The following PPP2R3A variants were observed in gnomAD, a reference collection of about 807,000 sequenced individuals.
PPP2R3A encodes protein phosphatase 2 regulatory subunit B''alpha.
Under a neutral mutation model 106.9 loss-of-function variants are expected in PPP2R3A, and 80 were observed. The ratio of observed to expected loss-of-function variants is 0.75; its 90% confidence interval spans 0.62 to 0.90. The LOEUF (loss-of-function observed/expected upper bound fraction) is 0.90, where lower values mean the gene tolerates loss of function less well. PPP2R3A is among the 40% of genes least tolerant of loss of function. The pLI, the probability that PPP2R3A is intolerant of heterozygous loss-of-function variation, is 0.00. For missense variants in PPP2R3A, 1,386 were observed against 1,350.4 expected (o/e 1.03, Z -0.41); for synonymous variants, 483 against 468.3 (o/e 1.03, Z -0.41).
At chr3:135,966,686 A>G (rs929075584) in intron 1 of PPP2R3A, among the ~76,000 whole-genome samples, 13 of 152,076 alleles carry the variant, frequency 8.5e-5, no homozygotes, top group African/African-American at 3.1e-4. Context: ...GGGGAAGACA[A>G]ATTATTGTTT....
intron 1 of PPP2R3A, among the ~76,000 whole-genome samples, chr3:135,986,738 T>C (rs1932932963): frequency 6.6e-6 from 1 of 152,176 alleles, no homozygotes; most frequent in African/African-American, 2.4e-5. Context: ...GTGAAAGAAC[T>C]ACCCTAAGTG....
intron 13 of PPP2R3A, among the ~76,000 whole-genome samples, chr3:136,113,960 T>G (rs1937644251): frequency 6.6e-6 from 1 of 152,122 alleles, no homozygotes; most frequent in Non-Finnish European, 1.5e-5. Flanking sequence ...TTAAAGAGCT[T>G]CTGGAATTGC....
rs772705908 is a variant in PPP2R3A at position 136,026,865 on chromosome 3, C to T, written c.2029C>T (p.Pro677Ser). 3.1e-6 allele frequency: 5 copies of T among 1,612,208 alleles called. No individual in the cohort carries two copies. Among genetic ancestry groups the T allele is most frequent in the Non-Finnish European group, 4.2e-6 (5 of 1,178,882 alleles). Residue 677 changes from proline to serine, a missense_variant, in exon 3 of 14, where the codon CCA becomes TCA. Transcript: ENST00000264977. Reference protein sequence around the residue: ...QNKPEKKPGTPLPPPATSPSS... With the variant: ...QNKPEKKPGTSLPPPATSPSS... ...TAAACCAGAAAAGAAACCTGGAACA[C>T]CACTCCCACCTCCAGCCACCTCTCC...
chr3:136,125,582 C>T (rs1342219520), intron 13 of PPP2R3A, among the ~76,000 whole-genome samples: 2 of 152,134 alleles, frequency 1.3e-5, no homozygotes, highest in Non-Finnish European at 2.9e-5. Context: ...CGTGGTGGCT[C>T]ACGCCTGTAA....
chr3:136,065,475 G>A, intron 5 of PPP2R3A, among the ~76,000 whole-genome samples: 1 of 151,920 alleles, frequency 6.6e-6, no homozygotes, highest in Admixed American at 6.6e-5. Context: ...TTTTATTATG[G>A]AGAATTTTGA....
intron 1 of PPP2R3A, among the ~76,000 whole-genome samples, chr3:135,996,670 C>T (rs923396054): frequency 2.0e-5 from 3 of 152,166 alleles, no homozygotes; most frequent in South Asian, 2.1e-4. Flanking sequence ...CTGGCCTTCA[C>T]GAGAAGCCCT....
At position 136,002,760 on chromosome 3, in the gene PPP2R3A, C is replaced by G. The variant is rs770423963; in HGVS notation, c.1262C>G (p.Ser421Ter). 1.2e-6 allele frequency: 2 copies of G among 1,612,442 alleles called. No individual in the cohort carries two copies. Among genetic ancestry groups the G allele is most frequent in the Non-Finnish European group, 1.7e-6 (2 of 1,179,342 alleles). The stretch of plus-strand genomic sequence containing the variant: ...GAAACTCTTTATATTGAAGAAGAGT[C>G]AGATGGAAAGAAAGCATTAGATAAA... ...LMETLYIEEE[S>*]DGKKALDKGQ... Residue 421 changes from serine to a stop codon, truncating the protein, a stop_gained, in exon 2 of 14, where the codon TCA becomes TGA. Transcript: ENST00000264977. LOFTEE classifies it high-confidence loss of function.
At chr3:135,984,753 A>C (rs1576411433) in intron 1 of PPP2R3A, among the ~76,000 whole-genome samples, 1 of 152,138 alleles carries the variant, frequency 6.6e-6, no homozygotes, top group Non-Finnish European at 1.5e-5. Flanking sequence ...GTGTTAGTCC[A>C]TTTTCACGCT....
At chr3:136,142,789 A>AC (rs1350050830) in intron 13 of PPP2R3A, among the ~76,000 whole-genome samples, 1 of 151,498 alleles carries the variant, frequency 6.6e-6, no homozygotes, top group Non-Finnish European at 1.5e-5. Context: ...TTCACACTTA[A>AC]CTCTGAAAAT....
chr3:136,100,545 G>A (rs1017826665), intron 10 of PPP2R3A, among the ~76,000 whole-genome samples: 7 of 151,794 alleles, frequency 4.6e-5, no homozygotes, highest in African/African-American at 9.7e-5. Flanking sequence ...TGAGCATGGC[G>A]GCAGGCACCT....
At chr3:136,078,492 T>C in intron 7 of PPP2R3A, 39 bp downstream of exon 7, 1 of 1,279,736 alleles carries the variant, frequency 7.8e-7, no homozygotes, top group Non-Finnish European at 1.1e-6. Context: ...ATGAGCAATT[T>C]AGATAATTTT....
chr3:135,984,391 A>G (rs1937578586), intron 1 of PPP2R3A, among the ~76,000 whole-genome samples: 1 of 152,194 alleles, frequency 6.6e-6, no homozygotes, highest in African/African-American at 2.4e-5. Context: ...TAGAGATAAC[A>G]CTTCAATGTT....
chr3:136,027,015 C>A lies in PPP2R3A; in HGVS notation c.2179C>A (p.Gln727Lys), dbSNP rs758695950. ...GLPDTCSNHE[Q>K]TLSRIETAFM... ...CCCAGATACCTGTAGTAATCATGAA[C>A]AAACTCTAAGCAGAATTGAAACTGC... Residue 727 changes from glutamine to lysine, a missense_variant, in exon 3 of 14, where the codon CAA (glutamine) becomes AAA (lysine). Physicochemically the swap from Gln to Lys is moderately conservative, Grantham distance 53. Coordinates refer to ENST00000264977, the MANE Select transcript of PPP2R3A (RefSeq NM_002718.5). 2.5e-6 allele frequency: 4 copies of A among 1,612,420 alleles called. No homozygotes were observed. The highest frequency in any genetic ancestry group is 2.5e-6 in the Non-Finnish European group (3 of 1,178,690).
chr3:136,129,217 T>C (rs1347498158), intron 13 of PPP2R3A, among the ~76,000 whole-genome samples: 4 of 147,586 alleles, frequency 2.7e-5, no homozygotes, highest in Non-Finnish European at 4.5e-5. Flanking sequence ...CTTCAAAAAA[T>C]CAATGAATCC....
intron 4 of PPP2R3A, among the ~76,000 whole-genome samples, chr3:136,043,477 G>A (rs1223718716): frequency 2.0e-5 from 3 of 152,010 alleles, no homozygotes; most frequent in Non-Finnish European, 2.9e-5. Context: ...ACAGAATATA[G>A]GGAAATAATT....
At chr3:136,022,823 TG>T in intron 2 of PPP2R3A, 6 of 1,266,334 alleles carry the variant, frequency 4.7e-6, no homozygotes, top group Non-Finnish European at 6.0e-6. Context: ...CTGCAGGCTG[TG>T]TTTATAACTT....
chr3:136,080,887 C>G (rs972956632), intron 7 of PPP2R3A, among the ~76,000 whole-genome samples: 1 of 152,064 alleles, frequency 6.6e-6, no homozygotes, highest in African/African-American at 2.4e-5. Flanking sequence ...GTTAGTTTGC[C>G]AGAGCACTTT....
At chr3:136,136,735 A>G (rs1938638108) in intron 13 of PPP2R3A, among the ~76,000 whole-genome samples, 1 of 152,188 alleles carries the variant, frequency 6.6e-6, no homozygotes, top group Non-Finnish European at 1.5e-5. Flanking sequence ...AGTAGTCCAG[A>G]TGATTTGGCC....
intron 2 of PPP2R3A, among the ~76,000 whole-genome samples, chr3:136,024,264 T>C (rs1934571151): frequency 6.6e-6 from 1 of 152,170 alleles, no homozygotes; most frequent in Non-Finnish European, 1.5e-5. Flanking sequence ...TACTAGGTTT[T>C]CTTCCATAAT....
Sources: allele counts gnomAD v4.1 joint callset (sites outside exome capture counted in the v4.1 genomes callset), GRCh38; gene constraint gnomAD v4.1.1; transcripts MANE v1.5; gene names NCBI Gene and HGNC (gene_info 2026-07-23, HGNC 2026-07-21).